The following GSE1 variants were observed in gnomAD, a reference collection of about 807,000 sequenced individuals.
GSE1 encodes Gse1 coiled-coil protein, also known as genetic suppressor element 1.
A neutral mutation model predicts 112.6 loss-of-function variants in GSE1; 32 were observed. That is an observed-to-expected ratio of 0.28 (90% CI 0.21 to 0.38). The LOEUF (loss-of-function observed/expected upper bound fraction) is 0.38. Ranked by LOEUF, GSE1 falls within the 10% of genes least tolerant of loss-of-function variation. GSE1 has a pLI of 1.00. For missense variants in GSE1, 2,348 were observed against 1,699.2 expected (o/e 1.38, Z -6.71); for synonymous variants, 1,115 against 735.6 (o/e 1.52, Z -8.35).
intron 1 of GSE1, among the ~76,000 whole-genome samples, chr16:85,590,703 G>A (rs780942437): frequency 7.9e-5 from 12 of 152,186 alleles, no homozygotes; most frequent in Non-Finnish European, 1.5e-4. Flanking sequence ...TGTGCGTGTG[G>A]GAGGGATGGA....
intron 1 of GSE1, among the ~76,000 whole-genome samples, chr16:85,309,787 C>T (rs1002021163): frequency 2.0e-5 from 3 of 152,332 alleles, no homozygotes; most frequent in Non-Finnish European, 4.4e-5. Flanking sequence ...GGCCGGCTGG[C>T]GGCCTGGGGT....
At chr16:85,639,702 C>T (rs1442266183) in intron 2 of GSE1, among the ~76,000 whole-genome samples, 7 of 152,380 alleles carry the variant, frequency 4.6e-5, no homozygotes, top group East Asian at 3.9e-4. Context: ...TGACAGCTGT[C>T]GGGCCTGCCC....
intron 1 of GSE1, among the ~76,000 whole-genome samples, chr16:85,325,008 C>G (rs1051330504): frequency 2.6e-5 from 4 of 152,144 alleles, no homozygotes; most frequent in African/African-American, 9.7e-5. Flanking sequence ...CACTCTGTCA[C>G]TGCAGCTGGA....
At chr16:85,493,809 A>AAT (rs71151297) in intron 2 of GSE1, among the ~76,000 whole-genome samples, 1 of 151,522 alleles carries the variant, frequency 6.6e-6, no homozygotes, top group Non-Finnish European at 1.5e-5. Flanking sequence ...AAAAAAAAAA[A>AAT]GCCAGCTGTG....
intron 14 of GSE1, among the ~76,000 whole-genome samples, 176 bp downstream of exon 14, chr16:85,668,600 T>C (rs935405084): frequency 3.3e-5 from 5 of 152,182 alleles, no homozygotes; most frequent in African/African-American, 7.2e-5. Context: ...TGATGTCCCA[T>C]GCTGGAACCT....
At chr16:85,216,256 T>A (rs1232907132) in intron 1 of GSE1, among the ~76,000 whole-genome samples, 1 of 152,158 alleles carries the variant, frequency 6.6e-6, no homozygotes, top group East Asian at 1.9e-4. Flanking sequence ...ATCAAAAAAT[T>A]AGCCAGGCAT....
Position 85,636,480 on chromosome 16 carries a change from G to C in GSE1, c.226+2348G>C, listed in dbSNP as rs571217134. On this transcript the variant is annotated intron_variant, in intron 2 of 15. Coordinates refer to ENST00000253458, the MANE Select transcript of GSE1 (RefSeq NM_014615.5). ...GGAGGGACTGGGTGACTCGTTCCTC[G>C]TGACCTCAGCCACTCAGTGCACCTG... Among the ~76,000 whole-genome samples, 20 of 152,298 alleles carry C rather than the reference G, an allele frequency of 1.3e-4. No individual in the cohort carries two copies. In the South Asian group the frequency reaches 4.1e-3, roughly 32 times the overall value.
At chr16:85,361,108 GAGAC>G (rs1385173766) in intron 2 of GSE1, among the ~76,000 whole-genome samples, 7 of 150,940 alleles carry the variant, frequency 4.6e-5, no homozygotes, top group African/African-American at 1.5e-4. Flanking sequence ...CACACGGGCA[GAGAC>G]AGACAGAGAC....
intron 1 of GSE1, among the ~76,000 whole-genome samples, chr16:85,261,760 T>A (rs944345288): frequency 6.6e-6 from 1 of 152,182 alleles, no homozygotes; most frequent in Non-Finnish European, 1.5e-5. Flanking sequence ...GCACTTTGTA[T>A]GCCAGAGCCG....
chr16:85,555,157 C>A, upstream of GSE1: 1 of 985,444 alleles, frequency 1.0e-6, no homozygotes, highest in Non-Finnish European at 1.2e-6. Flanking sequence ...TACCCTTTCG[C>A]TTTCATTAGG....
At chr16:85,499,591 C>T (rs148726509) in intron 2 of GSE1, among the ~76,000 whole-genome samples, 4,917 of 152,238 alleles carry the variant, frequency 0.032, 224 homozygotes, top group African/African-American at 0.11. Context: ...CAGGCGTGAG[C>T]CACCACACCC....
chr16:85,609,229 C>T (rs1016031585), upstream of GSE1, among the ~76,000 whole-genome samples: 5 of 152,154 alleles, frequency 3.3e-5, no homozygotes, highest in African/African-American at 4.8e-5. Context: ...TGTCCCTTGC[C>T]GCCCCCACCT....
intron 1 of GSE1, among the ~76,000 whole-genome samples, chr16:85,582,689 T>G (rs1032488644): frequency 1.2e-4 from 19 of 152,100 alleles, no homozygotes; most frequent in Non-Finnish European, 2.2e-4. Flanking sequence ...AAATTGAGCT[T>G]CTCTTCTCCA....
intron 1 of GSE1, among the ~76,000 whole-genome samples, chr16:85,226,082 C>A (rs75435441): frequency 0.019 from 2,879 of 152,286 alleles, 91 homozygotes; most frequent in African/African-American, 0.065. Flanking sequence ...TGCAGTGCCC[C>A]TGATAGCCTG....
chr16:85,219,952 G>T (rs1384566145), intron 1 of GSE1, among the ~76,000 whole-genome samples: 2 of 152,208 alleles, frequency 1.3e-5, no homozygotes, highest in Non-Finnish European at 2.9e-5. Flanking sequence ...TTCCCAGGGT[G>T]ACCCCAGCCT....
At chr16:85,537,938 G>T (rs1204448943) in intron 2 of GSE1, among the ~76,000 whole-genome samples, 1 of 152,132 alleles carries the variant, frequency 6.6e-6, no homozygotes, top group Non-Finnish European at 1.5e-5. Context: ...GCAGGGAGGC[G>T]AGCGTGGCTG....
chr16:85,591,026 G>T (rs2046981438), intron 1 of GSE1, among the ~76,000 whole-genome samples: 1 of 152,212 alleles, frequency 6.6e-6, no homozygotes, highest in Non-Finnish European at 1.5e-5. Context: ...CATTTGAGGT[G>T]CCTGTGTCCC....
intron 1 of GSE1, among the ~76,000 whole-genome samples, chr16:85,224,621 A>G (rs2075451072): frequency 6.6e-6 from 1 of 152,114 alleles, no homozygotes; most frequent in Admixed American, 6.5e-5. Flanking sequence ...GTAGCCGTGG[A>G]CGACAGCTCC....
intron 2 of GSE1, among the ~76,000 whole-genome samples, chr16:85,443,982 CTTTTTTTTTT>C (rs67916368): frequency 3.9e-5 from 3 of 77,620 alleles, no homozygotes; most frequent in Admixed American, 2.0e-4. Flanking sequence ...CAAGGGGGCG[CTTTTTTTTTT>C]TTTTTTTTTT....
Sources: allele counts gnomAD v4.1 joint callset (sites outside exome capture counted in the v4.1 genomes callset), GRCh38; gene constraint gnomAD v4.1.1; transcripts MANE v1.5; gene names NCBI Gene and HGNC (gene_info 2026-07-23, HGNC 2026-07-21).